ARHGEF37: variants seen among roughly 807,000 people sequenced by gnomAD.
ARHGEF37 encodes the protein Rho guanine nucleotide exchange factor 37, also known as Rho guanine nucleotide exchange factor (GEF) 37.
Under a neutral mutation model 71.1 loss-of-function variants are expected in ARHGEF37, and 55 were observed. The observed-to-expected ratio is 0.77, with a 90% confidence interval of 0.62 to 0.97. The LOEUF is 0.97. Among genes scored for constraint, ARHGEF37 ranks in the 50% least tolerant of loss-of-function variants. The pLI is 0.00. For missense variants in ARHGEF37, 765 were observed against 836.8 expected (o/e 0.91, Z 1.06); for synonymous variants, 327 against 350.6 (o/e 0.93, Z 0.75).
upstream of ARHGEF37, among the ~76,000 whole-genome samples, chr5:149,551,732 C>T (rs113454050): frequency 8.1e-4 from 123 of 152,352 alleles, 2 homozygotes; most frequent in African/African-American, 2.7e-3. Context: ...GGAGGAGTCA[C>T]CTTCATGTTT....
chr5:149,597,994 G>T, intron 2 of ARHGEF37, 39 bp downstream of exon 2: 1 of 1,505,114 alleles, frequency 6.6e-7, no homozygotes, highest in Non-Finnish European at 8.8e-7. Context: ...TCTTTATAGG[G>T]GCAAATGTGG....
At chr5:149,571,722 A>G (rs556512565) in intron 1 of ARHGEF37, among the ~76,000 whole-genome samples, 1 of 152,170 alleles carries the variant, frequency 6.6e-6, no homozygotes, top group Non-Finnish European at 1.5e-5. Context: ...GGAGTTTGAG[A>G]CCAGCTTGGG....
At chr5:149,575,777 G>A (rs111408071) in intron 1 of ARHGEF37, among the ~76,000 whole-genome samples, 1 of 150,426 alleles carries the variant, frequency 6.6e-6, no homozygotes, top group African/African-American at 2.4e-5. Context: ...TGCCTCCCGG[G>A]TTCAAGCAGT....
chr5:149,585,990 T>C (rs904831620), intron 1 of ARHGEF37, among the ~76,000 whole-genome samples: 1 of 152,228 alleles, frequency 6.6e-6, no homozygotes, highest in Non-Finnish European at 1.5e-5. Flanking sequence ...TGTTTGCCCA[T>C]GTCTTTCATT....
intron 1 of ARHGEF37, among the ~76,000 whole-genome samples, chr5:149,574,712 C>T (rs1241520456): frequency 6.6e-6 from 1 of 152,202 alleles, no homozygotes; most frequent in Non-Finnish European, 1.5e-5. Context: ...TCAGCTAGCC[C>T]AAAATTTGTC....
chr5:149,609,464 G>A (rs1372888735), intron 3 of ARHGEF37, 84 bp from the exon 4 acceptor site: 2 of 1,453,396 alleles, frequency 1.4e-6, no homozygotes, highest in African/African-American at 2.8e-5. Context: ...AGAGCTGGAG[G>A]GGTTTACTTA....
rs763188763 is a variant in ARHGEF37 at position 149,625,924 on chromosome 5, T to C, written c.1465-1152T>C. ...CCCAGGGGTGACGCTGTTCTCTGCA[T>C]AGGGAGGGCCGGTCAGCCTTGAGAA... On this transcript the variant is annotated intron_variant, in intron 10 of 12. Coordinates refer to ENST00000333677, the MANE Select transcript of ARHGEF37 (RefSeq NM_001001669.3). Among the ~76,000 whole-genome samples, 85 of 152,282 alleles carry C rather than the reference T, an allele frequency of 5.6e-4. 1 individual carries two copies. The highest frequency in any genetic ancestry group is 9.0e-4 in the Non-Finnish European group (61 of 68,014).
chr5:149,570,301 C>T (rs1419233017), intron 1 of ARHGEF37, among the ~76,000 whole-genome samples: 1 of 152,092 alleles, frequency 6.6e-6, no homozygotes, highest in East Asian at 1.9e-4. Context: ...TTACCGGGTG[C>T]AGTGGCTCAC....
chr5:149,618,429 G>A, intron 6 of ARHGEF37, 123 bp downstream of exon 6: 6 of 1,439,144 alleles, frequency 4.2e-6, no homozygotes, highest in Non-Finnish European at 5.6e-6. Flanking sequence ...GAGAGATTGA[G>A]GTGCTGGGAA....
intron 12 of ARHGEF37, among the ~76,000 whole-genome samples, chr5:149,629,403 G>C (rs1752807422): frequency 6.6e-6 from 1 of 152,212 alleles, no homozygotes; most frequent in Non-Finnish European, 1.5e-5. Flanking sequence ...AATAGCAGAG[G>C]TAAGTACCAG....
At chr5:149,631,838 C>T in intron 12 of ARHGEF37, 144 bp from the exon 13 acceptor site, 2 of 750,794 alleles carry the variant, frequency 2.7e-6, no homozygotes, top group Admixed American at 5.1e-5. Flanking sequence ...GCCTTTAGTA[C>T]AAAAGATGTA....
chr5:149,614,092 T>G (rs1752302634), intron 4 of ARHGEF37, among the ~76,000 whole-genome samples: 1 of 151,150 alleles, frequency 6.6e-6, no homozygotes. Context: ...CTGCAGAGTT[T>G]CTTTCCTGGA....
chr5:149,602,442 G>A (rs772493729), intron 3 of ARHGEF37, among the ~76,000 whole-genome samples: 18 of 151,922 alleles, frequency 1.2e-4, no homozygotes, highest in Non-Finnish European at 2.5e-4. Context: ...GATCAGTTGG[G>A]GGCTTTACTG....
chr5:149,579,654 T>G (rs1763068148), upstream of ARHGEF37, among the ~76,000 whole-genome samples: 1 of 152,080 alleles, frequency 6.6e-6, no homozygotes, highest in African/African-American at 2.4e-5. Context: ...TAATCTTGGC[T>G]CACTGCAACC....
intron 1 of ARHGEF37, among the ~76,000 whole-genome samples, chr5:149,554,083 G>A (rs576857096): frequency 8.9e-4 from 135 of 152,306 alleles, no homozygotes; most frequent in African/African-American, 3.1e-3. Flanking sequence ...CATGAGAATC[G>A]CTTGAACTGG....
chr5:149,608,241 G>T (rs1763971937), intron 3 of ARHGEF37, among the ~76,000 whole-genome samples: 1 of 151,958 alleles, frequency 6.6e-6, no homozygotes, highest in Non-Finnish European at 1.5e-5. Flanking sequence ...GGATATGATG[G>T]CTTAGCTTGT....
chr5:149,609,738 C>T (rs1274893728), intron 4 of ARHGEF37, 43 bp downstream of exon 4: 1 of 1,610,108 alleles, frequency 6.2e-7, no homozygotes, highest in Admixed American at 1.7e-5. Flanking sequence ...ACCCCACTGA[C>T]CCGGTTCAGG....
intron 1 of ARHGEF37, among the ~76,000 whole-genome samples, chr5:149,596,484 G>A (rs1455489129): frequency 6.6e-6 from 1 of 151,984 alleles, no homozygotes; most frequent in Non-Finnish European, 1.5e-5. Flanking sequence ...TTTGTATTTT[G>A]AGTAGAAATG....
chr5:149,607,934 T>G (rs1182200434), intron 3 of ARHGEF37, among the ~76,000 whole-genome samples: 1 of 151,420 alleles, frequency 6.6e-6, no homozygotes, highest in African/African-American at 2.4e-5. Flanking sequence ...GCCTGGCAAA[T>G]TTTTTTTGTA....
Sources: allele counts gnomAD v4.1 joint callset (sites outside exome capture counted in the v4.1 genomes callset), GRCh38; gene constraint gnomAD v4.1.1; transcripts MANE v1.5; gene names NCBI Gene and HGNC (gene_info 2026-07-23, HGNC 2026-07-21).